Variants in MTHFD1L observed in about 807,000 individuals in gnomAD.
MTHFD1L encodes the protein methylenetetrahydrofolate dehydrogenase (NADP+ dependent) 1 like, also known as monofunctional C1-tetrahydrofolate synthase, mitochondrial.
Under a neutral mutation model 119.5 loss-of-function variants are expected in MTHFD1L, and 81 were observed. That is an observed-to-expected ratio of 0.68 (90% confidence interval 0.57 to 0.82). The LOEUF is 0.82. Among genes scored for constraint, MTHFD1L ranks in the 40% least tolerant of loss-of-function variants. MTHFD1L has a pLI of 0.00. For missense variants in MTHFD1L, 1,125 were observed against 1,253.4 expected, an observed-to-expected ratio of 0.90 and a Z score of 1.55; for synonymous variants, 430 against 475.2, an observed-to-expected ratio of 0.90 and a Z score of 1.24.
At chr6:150,996,505 AC>A (rs1779825307) in intron 20 of MTHFD1L, among the ~76,000 whole-genome samples, 1 of 149,036 alleles carries the variant, frequency 6.7e-6, no homozygotes, top group African/African-American at 2.5e-5. Flanking sequence ...CAGCAGAAAA[AC>A]CCCCTGTTTA....
chr6:150,900,278 G>A (rs1784907965), intron 7 of MTHFD1L, among the ~76,000 whole-genome samples: 1 of 151,954 alleles, frequency 6.6e-6, no homozygotes, highest in African/African-American at 2.4e-5. Context: ...ATATAAACCT[G>A]TTGGCCACAC....
intron 19 of MTHFD1L, among the ~76,000 whole-genome samples, chr6:150,968,463 T>C (rs1240913141): frequency 1.3e-5 from 2 of 152,248 alleles, no homozygotes; most frequent in African/African-American, 4.8e-5. Flanking sequence ...TGAATACTTA[T>C]TATTAGGGAT....
intron 24 of MTHFD1L, among the ~76,000 whole-genome samples, chr6:151,033,829 AC>A (rs1245184102): frequency 6.6e-6 from 1 of 152,152 alleles, no homozygotes; most frequent in Admixed American, 6.5e-5. Context: ...AAAAACCAGC[AC>A]TCACAATTTC....
rs1043831602 is a variant in MTHFD1L at position 151,012,019 on chromosome 6, CAAAAAAAAAAAAAAAA to C, written c.2266-1743_2266-1728del. Among the ~76,000 whole-genome samples, 24 of 58,822 alleles carry C rather than the reference CAAAAAAAAAAAAAAAA, an allele frequency of 4.1e-4. No individual in the cohort carries two copies. In the East Asian group the frequency reaches 8.3e-3, roughly 20 times the overall value. The allele number at this position is 58,822 out of a possible 152,430, so 38.6% of individuals were successfully genotyped here. A position where few individuals can be genotyped will look rare whatever the true frequency, so the allele number is the denominator to read the frequency against. ...TCCATCTCAACAACAACAACAACAA[CAAAAAAAAAAAAAAAA>C]AAAAAAAAAAAAAAAACCAGCAGGG... On this transcript the variant is annotated intron_variant, in intron 21 of 27. Coordinates refer to ENST00000367321, the MANE Select transcript of MTHFD1L (RefSeq NM_015440.5).
At chr6:150,887,268 C>G (rs915063516) in intron 6 of MTHFD1L, among the ~76,000 whole-genome samples, 1 of 152,110 alleles carries the variant, frequency 6.6e-6, no homozygotes, top group Admixed American at 6.5e-5. Flanking sequence ...TTCTGAGCCA[C>G]TTCATTAGAA....
chr6:150,883,470 T>C (rs1419562100), intron 5 of MTHFD1L, among the ~76,000 whole-genome samples: 1 of 152,250 alleles, frequency 6.6e-6, no homozygotes, highest in African/African-American at 2.4e-5. Flanking sequence ...ATACAATCTT[T>C]AGCCAGCTCT....
At position 150,949,180 on chromosome 6, in the gene MTHFD1L, C is replaced by T. The variant is rs144504420; in HGVS notation, c.1726+47C>T. ...GCAGGCTGATGGCCAGGTGGGGAGG[C>T]GTGTTCGAGCCGAAGCGCTTAAATT... is the stretch of plus-strand genomic sequence containing the variant. On this transcript the variant is annotated intron_variant, in intron 16 of 27. Transcript: ENST00000367321. 19,562 of 1,489,998 alleles carry T rather than the reference C, an allele frequency of 0.013. 158 individuals are homozygous for T. Among genetic ancestry groups the T allele is most frequent in the Non-Finnish European group, 0.015 (16,217 of 1,068,968 alleles). The allele number at this position is 1,489,998 out of a possible 1,614,324, so 92.3% of individuals were successfully genotyped here.
At chr6:150,874,894 C>T (rs1442411333) in intron 1 of MTHFD1L, among the ~76,000 whole-genome samples, 1 of 151,728 alleles carries the variant, frequency 6.6e-6, no homozygotes, top group Non-Finnish European at 1.5e-5. Context: ...AGATTATAGG[C>T]GCCTGCCACC....
At chr6:151,000,373 C>A (rs573615123) in intron 20 of MTHFD1L, among the ~76,000 whole-genome samples, 1 of 151,112 alleles carries the variant, frequency 6.6e-6, no homozygotes, top group East Asian at 1.9e-4. Context: ...GAGGTTTGTG[C>A]CAGTTTCTTT....
intron 20 of MTHFD1L, among the ~76,000 whole-genome samples, chr6:150,974,533 T>C (rs1385033640): frequency 1.3e-5 from 2 of 152,180 alleles, no homozygotes; most frequent in African/African-American, 2.4e-5. Flanking sequence ...CGAAGTCCCA[T>C]GCCCATTAAA....
rs143973811 is a variant in MTHFD1L at position 150,951,910 on chromosome 6, G to C, written c.1726+2777G>C. On this transcript the variant is annotated intron_variant, in intron 16 of 27. Transcript: ENST00000367321. ...TAGTGTATTTTAAACCAAGCATATG[G>C]ATGTGCTAAAAGAGAAAGTTTTATG... 2.5e-3 allele frequency among the ~76,000 whole-genome samples: 384 copies of C among 152,162 alleles called. 4 individuals carry two copies. Among genetic ancestry groups the C allele is most frequent in the African/African-American group, 8.6e-3 (359 of 41,518 alleles).
Position 151,078,052 on chromosome 6 carries a change from CAAAAAAA to C in MTHFD1L, c.2848-14399_2848-14393del, listed in dbSNP as rs71014538. Among the ~76,000 whole-genome samples the C allele has an allele frequency of 2.7e-4, 16 of 59,936 alleles. No individual in the cohort carries two copies. The South Asian group carries it at 4.1e-3, about 15-fold the overall frequency. The allele number at this position is 59,936 out of a possible 152,430, so 39.3% of individuals were successfully genotyped here. A position where few individuals can be genotyped will look rare whatever the true frequency, so the allele number is the denominator to read the frequency against. On this transcript the variant is annotated intron_variant, in intron 26 of 27. Coordinates refer to ENST00000367321, the MANE Select transcript of MTHFD1L (RefSeq NM_015440.5). Reference sequence around the variant, plus strand: ...TGGGCGACAGAGCAAGACTCTGTCTCAAAAAAAAAAAAAAAAAAAAAATCAAGGAAAA... The same window carrying C: ...TGGGCGACAGAGCAAGACTCTGTCTCAAAAAAAAAAAAAAATCAAGGAAAA...
At chr6:150,938,890 C>A in intron 13 of MTHFD1L, 145 bp downstream of exon 13, 1 of 857,856 alleles carries the variant, frequency 1.2e-6, no homozygotes, top group Non-Finnish European at 1.9e-6. Flanking sequence ...GTTTGCATAA[C>A]TCATGCAGTG....
chr6:150,886,320 C>T (rs991753451), intron 6 of MTHFD1L, among the ~76,000 whole-genome samples: 10 of 151,770 alleles, frequency 6.6e-5, no homozygotes, highest in African/African-American at 2.4e-4. Context: ...CGTGTAGTCC[C>T]AGCTATGCTG....
chr6:151,042,104 G>A, intron 26 of MTHFD1L: 1 of 253,222 alleles, frequency 3.9e-6, no homozygotes. Flanking sequence ...GCCCCATGCT[G>A]TTGTAACTGA....
chr6:150,932,859 GATTACCT>G, intron 11 of MTHFD1L, among the ~76,000 whole-genome samples: 11 of 138,732 alleles, frequency 7.9e-5, no homozygotes, highest in African/African-American at 2.8e-4. Context: ...AGAGTAATTA[GATTACCT>G]TAAGGAAAGA....
intron 26 of MTHFD1L, among the ~76,000 whole-genome samples, chr6:151,085,019 A>ATGTGTG (rs1562643986): frequency 3.7e-5 from 5 of 134,692 alleles, no homozygotes; most frequent in African/African-American, 1.3e-4. Flanking sequence ...ATATTTATAT[A>ATGTGTG]TGTATATACA....
Position 150,887,890 on chromosome 6 carries a change from G to T in MTHFD1L, c.689G>T (p.Gly230Val). ...AAGATTTTGGTAGTGGGGGCCCATG[G>T]GTCTTTGGAAGCTGCTCTACAATGC... ...GKKILVVGAH[G>V]SLEAALQCLF... The change falls in exon 7 of 28, where the codon GGG becomes GTG. Residue 230 changes from glycine (G) to valine (V), a missense_variant. Physicochemically the swap from Gly to Val is moderately radical, Grantham distance 109. Transcript: ENST00000367321. 6.2e-7 allele frequency: 1 copy of T among 1,609,328 alleles called. No homozygotes were observed. The highest frequency in any genetic ancestry group is 1.1e-5 in the South Asian group (1 of 89,634).
chr6:150,962,239 C>G (rs148253974), intron 18 of MTHFD1L, among the ~76,000 whole-genome samples: 2,066 of 152,250 alleles, frequency 0.014, 19 homozygotes, highest in South Asian at 0.036. Context: ...CCCACCTCGA[C>G]CTCCCAAAGT....
Sources: allele counts gnomAD v4.1 joint callset (sites outside exome capture counted in the v4.1 genomes callset), GRCh38; gene constraint gnomAD v4.1.1; transcripts MANE v1.5; gene names NCBI Gene and HGNC (gene_info 2026-07-23, HGNC 2026-07-21).